Variants in BBOX1 observed in about 807,000 individuals in gnomAD.
BBOX1 encodes gamma-butyrobetaine dioxygenase.
A neutral mutation model predicts 41.6 loss-of-function variants in BBOX1; 35 were observed. That is an observed-to-expected ratio of 0.84 (90% CI 0.64 to 1.11). The LOEUF is 1.11. BBOX1 is among the 50% of genes most tolerant of loss of function. The probability of loss-of-function intolerance (pLI) is 0.00; values close to 1 mark genes in which losing one functional copy is unlikely to be tolerated. For synonymous variants in BBOX1, 163 were observed against 154.7 expected (o/e 1.05, Z -0.40); for missense variants, 458 against 460.6 (o/e 0.99, Z 0.05).
At chr11:27,060,919 T>C (rs1181815798) in intron 4 of BBOX1, among the ~76,000 whole-genome samples, 1 of 152,198 alleles carries the variant, frequency 6.6e-6, no homozygotes, top group Non-Finnish European at 1.5e-5. Flanking sequence ...CTTCCTCCAA[T>C]GAGTGCATTG....
intron 4 of BBOX1, among the ~76,000 whole-genome samples, chr11:27,084,665 A>C (rs1857971347): frequency 6.6e-6 from 1 of 152,136 alleles, no homozygotes; most frequent in African/African-American, 2.4e-5. Flanking sequence ...GCAGGTGGAC[A>C]GAAGGTCCTA....
chr11:27,082,139 A>T (rs1425271823), intron 4 of BBOX1, among the ~76,000 whole-genome samples: 1 of 151,966 alleles, frequency 6.6e-6, no homozygotes, highest in African/African-American at 2.4e-5. Context: ...TGAGAAATTC[A>T]CCCCCATGAT....
chr11:27,110,668 A>G (rs1229282591), intron 5 of BBOX1, among the ~76,000 whole-genome samples: 1 of 151,876 alleles, frequency 6.6e-6, no homozygotes, highest in Non-Finnish European at 1.5e-5. Context: ...TCTCTGTAAT[A>G]ATACTTCTCT....
intron 7 of BBOX1, among the ~76,000 whole-genome samples, chr11:27,120,708 A>G (rs1859430069): frequency 6.6e-6 from 1 of 152,116 alleles, no homozygotes; most frequent in Non-Finnish European, 1.5e-5. Flanking sequence ...TACCTCGATT[A>G]ATTTTGGTAG....
intron 4 of BBOX1, among the ~76,000 whole-genome samples, chr11:27,060,227 G>A (rs1276030632): frequency 2.0e-5 from 3 of 152,068 alleles, no homozygotes; most frequent in Admixed American, 1.3e-4. Flanking sequence ...TAGCAAATGA[G>A]TTCTTTGAAG....
chr11:27,089,585 T>G (rs1260147627), intron 4 of BBOX1, among the ~76,000 whole-genome samples: 4 of 152,006 alleles, frequency 2.6e-5, no homozygotes, highest in African/African-American at 9.7e-5. Context: ...CAGCTGCTAT[T>G]TAGGCAAACG....
intron 2 of BBOX1, among the ~76,000 whole-genome samples, chr11:27,051,135 T>C (rs1596711): frequency 0.21 from 31,324 of 152,044 alleles, 4,154 homozygotes; most frequent in African/African-American, 0.38. Context: ...TTGTCATATT[T>C]ACTGATTTGT....
At position 27,115,524 on chromosome 11, in the gene BBOX1, C is replaced by T; in HGVS notation, c.606C>T (p.His202=). The T allele has an allele frequency of 6.2e-7, 1 of 1,611,050 alleles. No homozygotes were observed. The highest frequency in any genetic ancestry group is 8.5e-7 in the Non-Finnish European group (1 of 1,178,114). ...ACACAACTGGGAAGCTAAGCTTTCACACTGATTATCCAGCCCTCCATCATC... is the reference window on the plus strand; with the variant it reads ...ACACAACTGGGAAGCTAAGCTTTCATACTGATTATCCAGCCCTCCATCATC... The part of the protein sequence containing the change: ...VAYTTGKLSF[H]TDYPALHHPP... Residue 202 remains histidine (H), a synonymous_variant, in exon 6 of 9, where the codon CAC becomes CAT. Coordinates refer to ENST00000263182, the MANE Select transcript of BBOX1 (RefSeq NM_003986.3).
At chr11:27,070,369 C>T (rs1401702193) in intron 4 of BBOX1, among the ~76,000 whole-genome samples, 1 of 151,970 alleles carries the variant, frequency 6.6e-6, no homozygotes, top group Admixed American at 6.6e-5. Context: ...CGAAGTTCCC[C>T]ACTATTATTA....
intron 5 of BBOX1, among the ~76,000 whole-genome samples, chr11:27,097,827 T>A (rs1421157526): frequency 6.6e-6 from 1 of 152,012 alleles, no homozygotes; most frequent in Admixed American, 6.6e-5. Context: ...AATCCACTCC[T>A]CAAAATTTAC....
At chr11:27,085,014 A>T (rs1857983178) in intron 4 of BBOX1, among the ~76,000 whole-genome samples, 1 of 152,152 alleles carries the variant, frequency 6.6e-6, no homozygotes, top group East Asian at 1.9e-4. Flanking sequence ...TTTTTAATGT[A>T]TTCTCCTGAT....
chr11:27,088,167 G>C (rs1025992853), intron 4 of BBOX1, among the ~76,000 whole-genome samples: 2 of 152,014 alleles, frequency 1.3e-5, no homozygotes, highest in Non-Finnish European at 2.9e-5. Flanking sequence ...GAAGTATGTA[G>C]TGTGTGCCCT....
At chr11:27,059,231 TA>T (rs1215028686) in intron 4 of BBOX1, among the ~76,000 whole-genome samples, 1 of 152,208 alleles carries the variant, frequency 6.6e-6, no homozygotes, top group Non-Finnish European at 1.5e-5. Flanking sequence ...GGGCATAAGC[TA>T]CTGTAAGACT....
At chr11:27,075,742 A>C (rs531343381) in intron 4 of BBOX1, among the ~76,000 whole-genome samples, 170 of 152,344 alleles carry the variant, frequency 1.1e-3, no homozygotes, top group Non-Finnish European at 2.0e-3. Context: ...GGCAAGCCTG[A>C]ACCCAGAGGG....
chr11:27,067,949 A>G (rs1857340288), intron 4 of BBOX1, among the ~76,000 whole-genome samples: 1 of 152,002 alleles, frequency 6.6e-6, no homozygotes, highest in Non-Finnish European at 1.5e-5. Context: ...CATGGTGTGT[A>G]TATACCATAT....
chr11:27,069,628 C>T (rs568219501), intron 4 of BBOX1, among the ~76,000 whole-genome samples: 47 of 152,140 alleles, frequency 3.1e-4, no homozygotes, highest in African/African-American at 9.9e-4. Flanking sequence ...CTGGTGAAAG[C>T]GGGCATCCTT....
chr11:27,053,069 A>C (rs1856864397), intron 2 of BBOX1, among the ~76,000 whole-genome samples: 2 of 152,212 alleles, frequency 1.3e-5, no homozygotes, highest in Non-Finnish European at 2.9e-5. Context: ...AAAATGTTGT[A>C]CTAGTGAGGA....
At chr11:27,092,800 A>C (rs1858293628) in intron 4 of BBOX1, among the ~76,000 whole-genome samples, 1 of 152,014 alleles carries the variant, frequency 6.6e-6, no homozygotes, top group Non-Finnish European at 1.5e-5. Flanking sequence ...GGAGTTGAGC[A>C]ATATAACTTG....
chr11:27,108,876 C>T (rs1226556427), intron 5 of BBOX1, among the ~76,000 whole-genome samples: 1 of 152,046 alleles, frequency 6.6e-6, no homozygotes, highest in Non-Finnish European at 1.5e-5. Flanking sequence ...TGTATTTCCA[C>T]TCTCCTCCTG....
Sources: allele counts gnomAD v4.1 joint callset (sites outside exome capture counted in the v4.1 genomes callset), GRCh38; gene constraint gnomAD v4.1.1; transcripts MANE v1.5; gene names NCBI Gene and HGNC (gene_info 2026-07-23, HGNC 2026-07-21).